The following PPP6R3 variants were observed in gnomAD, a reference collection of about 807,000 sequenced individuals.
PPP6R3 encodes protein phosphatase 6 regulatory subunit 3, also known as serine/threonine-protein phosphatase 6 regulatory subunit 3.
PPP6R3 carries 38 observed loss-of-function variants against 110.7 expected under a neutral mutation model. That is an observed-to-expected ratio of 0.34 (90% CI 0.26 to 0.45). PPP6R3 has a LOEUF of 0.45. PPP6R3 is among the 20% of genes least tolerant of loss of function. PPP6R3 has a pLI of 1.00. For synonymous variants in PPP6R3, 369 were observed against 373.5 expected (o/e 0.99, Z 0.14); for missense variants, 870 against 1,062.4 (o/e 0.82, Z 2.52).
intron 1 of PPP6R3, among the ~76,000 whole-genome samples, chr11:68,502,128 A>G (rs1220411542): frequency 1.3e-5 from 2 of 152,254 alleles, no homozygotes; most frequent in Non-Finnish European, 2.9e-5. Context: ...CAGTGTTTCT[A>G]CGAAAGACAA....
At chr11:68,485,290 T>TTTTTTTTTTC (rs1565338814) in intron 1 of PPP6R3, among the ~76,000 whole-genome samples, 1 of 145,556 alleles carries the variant, frequency 6.9e-6, no homozygotes, top group Admixed American at 6.9e-5. Context: ...TTTTTTTTTT[T>TTTTTTTTTTC]TTCAATTCCT....
chr11:68,547,796 T>C (rs2099355255), intron 4 of PPP6R3, among the ~76,000 whole-genome samples: 1 of 152,242 alleles, frequency 6.6e-6, no homozygotes, highest in Non-Finnish European at 1.5e-5. Context: ...TGAGAATGAA[T>C]AATGAAAGTG....
At chr11:68,559,108 A>G (rs1046647835) in intron 8 of PPP6R3, among the ~76,000 whole-genome samples, 4 of 152,226 alleles carry the variant, frequency 2.6e-5, no homozygotes, top group Non-Finnish European at 5.9e-5. Context: ...TCCTTTCTGC[A>G]GATACTTAGG....
At chr11:68,478,647 G>GTTTTTT (rs769296530) in intron 1 of PPP6R3, among the ~76,000 whole-genome samples, 6,731 of 50,168 alleles carry the variant, frequency 0.13, 2,609 homozygotes, top group African/African-American at 0.24. Flanking sequence ...CACTTGGTAA[G>GTTTTTT]TTTTTTTTTT....
At chr11:68,524,786 T>G (rs1179522822) in intron 2 of PPP6R3, among the ~76,000 whole-genome samples, 2 of 152,262 alleles carry the variant, frequency 1.3e-5, no homozygotes, top group Admixed American at 1.3e-4. Flanking sequence ...TTCTGTGCAT[T>G]TTGACAAGCC....
chr11:68,614,721 G>A lies in PPP6R3; in HGVS notation c.*1604G>A, dbSNP rs778540471. On this transcript the variant is annotated 3_prime_UTR_variant, in exon 24 of 24. Coordinates refer to ENST00000393800, the MANE Select transcript of PPP6R3 (RefSeq NM_001164161.2). The stretch of plus-strand genomic sequence containing the variant: ...AGGGTGGGTCCCTTGACCTTTGCAC[G>A]CCTCCTCAGGAACCCCCTTTCCCGG... 58 of 1,533,904 alleles carry A rather than the reference G, an allele frequency of 3.8e-5. No homozygotes were observed. Among genetic ancestry groups the A allele is most frequent in the Middle Eastern group, 1.7e-4 (1 of 5,880 alleles).
At chr11:68,472,781 A>G (rs2098801487) in intron 1 of PPP6R3, among the ~76,000 whole-genome samples, 1 of 152,164 alleles carries the variant, frequency 6.6e-6, no homozygotes, top group African/African-American at 2.4e-5. Flanking sequence ...AACGACAACA[A>G]AACCACCTTG....
At chr11:68,606,696 A>G (rs2153963474) in intron 22 of PPP6R3, among the ~76,000 whole-genome samples, 1 of 152,340 alleles carries the variant, frequency 6.6e-6, no homozygotes. Flanking sequence ...AGGAAAGTTT[A>G]GATGCATTCA....
At chr11:68,479,066 C>T (rs564175727) in intron 1 of PPP6R3, among the ~76,000 whole-genome samples, 86 of 152,264 alleles carry the variant, frequency 5.6e-4, no homozygotes, top group African/African-American at 1.9e-3. Flanking sequence ...TGACAGTCTG[C>T]GGTTGCTAGA....
chr11:68,468,129 A>G (rs2098761661), intron 1 of PPP6R3, among the ~76,000 whole-genome samples: 1 of 152,256 alleles, frequency 6.6e-6, no homozygotes, highest in Non-Finnish European at 1.5e-5. Context: ...CAGAAGGAGC[A>G]GAGAAATCTC....
chr11:68,497,556 C>T (rs1341663834), intron 1 of PPP6R3, among the ~76,000 whole-genome samples: 2 of 152,086 alleles, frequency 1.3e-5, no homozygotes, highest in African/African-American at 2.4e-5. Context: ...GGATTTACCA[C>T]GTTGCCCATG....
chr11:68,477,261 G>A lies in PPP6R3; in HGVS notation c.-158+16434G>A, dbSNP rs745505723. 3.9e-5 allele frequency among the ~76,000 whole-genome samples: 6 copies of A among 152,002 alleles called. 1 individual carries two copies. The highest frequency in any genetic ancestry group is 4.2e-4 in the South Asian group (2 of 4,808). ...TGGTGGGGGATGGGGGTGGGTGTTA[G>A]AATACAACACCGGATGTCCCTGACT... On this transcript the variant is annotated intron_variant, in intron 1 of 23. Coordinates refer to ENST00000393800, the MANE Select transcript of PPP6R3 (RefSeq NM_001164161.2).
rs2099503355 is a variant in PPP6R3, at chr11:68,571,048, A to G, written c.1287A>G (p.Gln429=). The G allele has an allele frequency of 6.3e-7, 1 of 1,593,006 alleles. No homozygotes were observed. The highest frequency in any genetic ancestry group is 8.5e-7 in the Non-Finnish European group (1 of 1,174,262). The part of the protein sequence containing the change: ...GDNLLLKHLF[Q]KCQLIERILE... Reference sequence around the variant, plus strand: ...CTTTTTTTTTTTTTCAGCTTTTCCAAAAATGTCAATTAATAGAACGAATAC... The same window carrying G: ...CTTTTTTTTTTTTTCAGCTTTTCCAGAAATGTCAATTAATAGAACGAATAC... Residue 429 remains glutamine (Q), a synonymous_variant, in exon 12 of 24, where the codon CAA becomes CAG. Transcript: ENST00000393800.
intron 10 of PPP6R3, among the ~76,000 whole-genome samples, chr11:68,567,448 A>G (rs1024696041): frequency 2.6e-5 from 4 of 152,230 alleles, no homozygotes; most frequent in African/African-American, 4.8e-5. Context: ...CTCGTGGACA[A>G]TGACTGCTGG....
intron 1 of PPP6R3, among the ~76,000 whole-genome samples, chr11:68,467,900 G>C (rs192922033): frequency 6.6e-6 from 1 of 152,090 alleles, no homozygotes; most frequent in Non-Finnish European, 1.5e-5. Flanking sequence ...TCAGCCTCCC[G>C]AGTAGCTGGG....
chr11:68,496,010 C>T (rs1013846026), intron 1 of PPP6R3, among the ~76,000 whole-genome samples: 3 of 152,026 alleles, frequency 2.0e-5, no homozygotes, highest in South Asian at 2.1e-4. Context: ...TTTGAGACAG[C>T]GTCTCACTCT....
At chr11:68,523,187 C>G (rs992130968) in intron 2 of PPP6R3, among the ~76,000 whole-genome samples, 1 of 152,184 alleles carries the variant, frequency 6.6e-6, no homozygotes, top group Non-Finnish European at 1.5e-5. Context: ...GCAAAATTCT[C>G]TTCAGTGTGG....
intron 9 of PPP6R3, among the ~76,000 whole-genome samples, chr11:68,565,344 T>G (rs1472441390): frequency 1.3e-5 from 2 of 151,914 alleles, no homozygotes; most frequent in African/African-American, 4.8e-5. Flanking sequence ...GCTCACAGTT[T>G]GCGTTACTCT....
At position 68,614,846 on chromosome 11, in the gene PPP6R3, A is replaced by T; in HGVS notation, c.*1729A>T. 8.5e-7 allele frequency: 1 copy of T among 1,171,240 alleles called. No individual in the cohort carries two copies. The highest frequency in any genetic ancestry group is 1.2e-6 in the Non-Finnish European group (1 of 809,760). The allele number at this position is 1,171,240 out of a possible 1,614,324, so 72.6% of individuals were successfully genotyped here. A position where few individuals can be genotyped will look rare whatever the true frequency, so the allele number is the denominator to read the frequency against. On this transcript the variant is annotated 3_prime_UTR_variant, in exon 24 of 24. Transcript: ENST00000393800. ...GCTTGCCTCAGGGCTGCCTGACTTG[A>T]ATGGCGTTGGACCTCGGGGATTACT... is the stretch of plus-strand genomic sequence containing the variant.
Sources: gnomAD v4.1 joint callset for allele counts (sites outside exome capture counted in the v4.1 genomes callset) on GRCh38, gnomAD v4.1.1 for gene constraint, MANE v1.5 for transcripts, NCBI Gene and HGNC (gene_info 2026-07-23, HGNC 2026-07-21) for gene names.